ARHGAP24: variants seen among roughly 807,000 people sequenced by gnomAD.
ARHGAP24 encodes the protein Rho GTPase activating protein 24, also known as rho GTPase-activating protein 24.
In ARHGAP24, 50 loss-of-function variants were observed where a neutral mutation model predicts 76.4. That is an observed-to-expected ratio of 0.65 (90% confidence interval 0.52 to 0.83). ARHGAP24 has a LOEUF of 0.83. ARHGAP24 is among the 40% of genes least tolerant of loss of function. The pLI is 0.00. For synonymous variants in ARHGAP24, 345 were observed against 323.3 expected (o/e 1.07, Z -0.72); for missense variants, 930 against 914.2 (o/e 1.02, Z -0.22).
chr4:85,838,185 A>G (rs951244986), intron 3 of ARHGAP24, among the ~76,000 whole-genome samples: 3 of 152,366 alleles, frequency 2.0e-5, no homozygotes, highest in Middle Eastern at 3.4e-3. Flanking sequence ...CACAGGTTAA[A>G]TCGTGACATC....
intron 3 of ARHGAP24, among the ~76,000 whole-genome samples, chr4:85,844,265 T>A (rs1251636243): frequency 6.6e-6 from 1 of 152,004 alleles, no homozygotes; most frequent in Admixed American, 6.6e-5. Context: ...AGATATAGAG[T>A]CTCCAATAGG....
At chr4:85,689,042 G>A (rs1266348666) in intron 2 of ARHGAP24, among the ~76,000 whole-genome samples, 1 of 152,016 alleles carries the variant, frequency 6.6e-6, no homozygotes, top group East Asian at 1.9e-4. Context: ...CTCTTTTTTG[G>A]TTCCATAAAA....
chr4:85,576,105 C>T (rs1727358943), intron 2 of ARHGAP24, among the ~76,000 whole-genome samples: 1 of 152,208 alleles, frequency 6.6e-6, no homozygotes, highest in African/African-American at 2.4e-5. Context: ...GGGCTGACCT[C>T]TAAATGTGCA....
At chr4:85,881,115 A>G (rs1290129665) in intron 3 of ARHGAP24, among the ~76,000 whole-genome samples, 1 of 152,164 alleles carries the variant, frequency 6.6e-6, no homozygotes, top group African/African-American at 2.4e-5. Context: ...TACCGCAACA[A>G]TCTATCTGCT....
At chr4:85,897,525 A>T (rs1473104895) in intron 3 of ARHGAP24, among the ~76,000 whole-genome samples, 1 of 152,210 alleles carries the variant, frequency 6.6e-6, no homozygotes, top group African/African-American at 2.4e-5. Flanking sequence ...TTTCTGATAC[A>T]AGTCATAATT....
chr4:85,925,600 T>C (rs982491561), intron 4 of ARHGAP24, among the ~76,000 whole-genome samples: 4 of 152,262 alleles, frequency 2.6e-5, no homozygotes, highest in African/African-American at 9.6e-5. Flanking sequence ...TATATATTGC[T>C]ATAATTGTTC....
At chr4:85,648,431 T>A (rs1184239854) in intron 2 of ARHGAP24, among the ~76,000 whole-genome samples, 1 of 152,086 alleles carries the variant, frequency 6.6e-6, no homozygotes, top group Non-Finnish European at 1.5e-5. Context: ...TCAAAAGATT[T>A]ACAGAGATAA....
At position 85,736,648 on chromosome 4, in the gene ARHGAP24, C is replaced by T. The variant is rs79562641; in HGVS notation, c.268+14676C>T. On this transcript the variant is annotated intron_variant, in intron 3 of 9. Coordinates refer to ENST00000395184, the MANE Select transcript of ARHGAP24 (RefSeq NM_001025616.3). ...ATTCTGCTGAACACTCAAGGAACAC[C>T]GATCAAGTCCATTATTGAAGCAATC... Among the ~76,000 whole-genome samples, 43 of 152,264 alleles carry T rather than the reference C, an allele frequency of 2.8e-4. 1 individual carries two copies. The highest frequency in any genetic ancestry group is 9.1e-4 in the African/African-American group (38 of 41,542).
chr4:85,756,142 T>C (rs983661868), intron 3 of ARHGAP24, among the ~76,000 whole-genome samples: 2 of 152,238 alleles, frequency 1.3e-5, no homozygotes, highest in Admixed American at 6.5e-5. Flanking sequence ...TGAGGATACA[T>C]ATCTTACAAT....
intron 3 of ARHGAP24, among the ~76,000 whole-genome samples, chr4:85,735,504 A>G (rs1020431157): frequency 1.3e-5 from 2 of 152,072 alleles, no homozygotes; most frequent in African/African-American, 4.8e-5. Flanking sequence ...GAATCATTTG[A>G]CCCAGTTGAT....
chr4:85,992,553 A>C (rs1740398664), intron 8 of ARHGAP24, among the ~76,000 whole-genome samples: 1 of 152,146 alleles, frequency 6.6e-6, no homozygotes, highest in Non-Finnish European at 1.5e-5. Flanking sequence ...AAAAAGGTCC[A>C]TTTTCCCAAA....
intron 3 of ARHGAP24, among the ~76,000 whole-genome samples, chr4:85,765,879 G>C (rs896657): frequency 0.91 from 138,682 of 152,294 alleles, 64,567 homozygotes; most frequent in East Asian, 1. Flanking sequence ...GAAAGCCGAG[G>C]AACAATAAAT....
At chr4:85,703,705 GA>G (rs1399998148) in intron 2 of ARHGAP24, among the ~76,000 whole-genome samples, 1 of 152,140 alleles carries the variant, frequency 6.6e-6, no homozygotes, top group Non-Finnish European at 1.5e-5. Flanking sequence ...AGAACTGTGA[GA>G]AAGACATTTA....
intron 2 of ARHGAP24, among the ~76,000 whole-genome samples, chr4:85,655,810 G>T (rs1424661512): frequency 6.4e-5 from 5 of 78,338 alleles, no homozygotes; most frequent in East Asian, 8.9e-4. Context: ...GAGAGAGAGA[G>T]AGAGAGAAAG....
chr4:85,632,901 C>G (rs1278754733), intron 2 of ARHGAP24, among the ~76,000 whole-genome samples: 1 of 151,874 alleles, frequency 6.6e-6, no homozygotes, highest in African/African-American at 2.4e-5. Context: ...ACCCCAGGAA[C>G]AGTATTATTT....
At chr4:85,562,808 G>A (rs1437374994) in intron 1 of ARHGAP24, among the ~76,000 whole-genome samples, 3 of 152,178 alleles carry the variant, frequency 2.0e-5, no homozygotes, top group Non-Finnish European at 2.9e-5. Context: ...GCAGAAACTT[G>A]AAGGCAACAA....
intron 2 of ARHGAP24, among the ~76,000 whole-genome samples, chr4:85,710,710 A>T (rs1054399370): frequency 5.9e-5 from 9 of 152,198 alleles, no homozygotes; most frequent in African/African-American, 1.9e-4. Context: ...ATGAAAATAC[A>T]GGTCGACATC....
At chr4:85,737,270 C>T (rs928988020) in intron 3 of ARHGAP24, among the ~76,000 whole-genome samples, 1 of 152,116 alleles carries the variant, frequency 6.6e-6, no homozygotes, top group East Asian at 1.9e-4. Flanking sequence ...TCTGTTCAGC[C>T]CTTTGTTAAC....
At chr4:85,585,802 G>C (rs1175814796) in intron 2 of ARHGAP24, among the ~76,000 whole-genome samples, 4 of 152,168 alleles carry the variant, frequency 2.6e-5, no homozygotes, top group Non-Finnish European at 5.9e-5. Context: ...TCTGGAGCAT[G>C]CTGAGACATT....
Sources: gnomAD v4.1 joint callset for allele counts (sites outside exome capture counted in the v4.1 genomes callset) on GRCh38, gnomAD v4.1.1 for gene constraint, MANE v1.5 for transcripts, NCBI Gene and HGNC (gene_info 2026-07-23, HGNC 2026-07-21) for gene names.